The following NBAS variants were observed in gnomAD, a reference collection of about 807,000 sequenced individuals.
The protein encoded by NBAS is NBAS subunit of NRZ tethering complex.
A neutral mutation model predicts 302.5 loss-of-function variants in NBAS; 219 were observed. The observed-to-expected ratio is 0.72, with a 90% confidence interval of 0.65 to 0.81. The LOEUF is 0.81. NBAS is among the 30% of genes least tolerant of loss of function. The pLI, the probability that NBAS is intolerant of heterozygous loss-of-function variation, is 0.00. For missense variants in NBAS, 2,932 were observed against 2,841.6 expected (o/e 1.03, Z -0.72); for synonymous variants, 1,118 against 1,021.6 (o/e 1.09, Z -1.80).
the NBAS span, among the ~76,000 whole-genome samples, chr2:15,025,782 A>G: frequency 6.6e-6 from 1 of 152,138 alleles, no homozygotes; most frequent in East Asian, 1.9e-4. Flanking sequence ...GGCAGTGTAT[A>G]GGATTGCTTT....
intron 25 of NBAS, among the ~76,000 whole-genome samples, chr2:15,414,459 G>A (rs768429499): frequency 9.2e-5 from 14 of 152,174 alleles, no homozygotes; most frequent in Non-Finnish European, 1.9e-4. Context: ...CCAATGGAAA[G>A]GGAGACACTA....
the NBAS span, among the ~76,000 whole-genome samples, chr2:14,947,168 G>A: frequency 7.9e-5 from 12 of 151,748 alleles, no homozygotes; most frequent in Middle Eastern, 3.4e-3. Flanking sequence ...TACAAAGATC[G>A]GAGCAGAAAT....
At chr2:14,896,065 TCCTTTGTCAGGCAA>T in the NBAS span, among the ~76,000 whole-genome samples, 1 of 152,078 alleles carries the variant, frequency 6.6e-6, no homozygotes, top group Non-Finnish European at 1.5e-5. Flanking sequence ...ATCTCTGCTT[TCCTTTGTCAGGCAA>T]CCATGAACAA....
At chr2:15,473,446 C>A (rs941469662) in intron 15 of NBAS, 99 bp from the exon 16 acceptor site, 1 of 1,465,430 alleles carries the variant, frequency 6.8e-7, no homozygotes, top group Non-Finnish European at 9.4e-7. Context: ...TTGGACTTAT[C>A]CAGCATGTCA....
chr2:14,827,980 A>T, the NBAS span, among the ~76,000 whole-genome samples: 1 of 152,216 alleles, frequency 6.6e-6, no homozygotes, highest in African/African-American at 2.4e-5. Context: ...TTTTTTTAAA[A>T]AATAAACTTT....
At chr2:15,283,473 A>C (rs1397374237) in intron 42 of NBAS, among the ~76,000 whole-genome samples, 1 of 152,084 alleles carries the variant, frequency 6.6e-6, no homozygotes, top group East Asian at 1.9e-4. Context: ...TGGTTGTATA[A>C]GGGGCTTTTC....
rs1253033456 is a variant in NBAS, at chr2:15,539,330, T to C, written c.406A>G (p.Arg136Gly). ...CAATCGTAACTCCATGCTACCCGTC[T>C]CCACTGGGGTTTCGGGTCTTTCGGA... ...QVPKDPKPQWRRVAWSYDCTL... is the reference protein window; with the variant it reads ...QVPKDPKPQWGRVAWSYDCTL... The change falls in exon 7 of 52, where the codon AGA (arginine) becomes GGA (glycine). Residue 136 changes from arginine (R) to glycine (G), a missense_variant. Coordinates refer to ENST00000281513, the MANE Select transcript of NBAS (RefSeq NM_015909.4). 7 of 1,614,254 alleles carry C rather than the reference T, an allele frequency of 4.3e-6. No individual in the cohort carries two copies. The highest frequency in any genetic ancestry group is 5.1e-6 in the Non-Finnish European group (6 of 1,180,040).
rs374191011 is a variant in NBAS at position 15,238,524 on chromosome 2, C to A, written c.5887G>T (p.Ala1963Ser). 6.2e-7 allele frequency: 1 copy of A among 1,614,018 alleles called. No individual in the cohort carries two copies. The highest frequency in any genetic ancestry group is 1.3e-5 in the African/African-American group (1 of 74,916). Residue 1963 changes from alanine to serine, a missense_variant, in exon 45 of 52, where the codon GCC (alanine) becomes TCC (serine). Coordinates refer to ENST00000281513, the MANE Select transcript of NBAS (RefSeq NM_015909.4). ...CTGTGGCTCAGGGTTTCCAGGTGGGCAAGTGATTTCTCCAGATGATTCAAA... is the reference window on the plus strand; with the variant it reads ...CTGTGGCTCAGGGTTTCCAGGTGGGAAAGTGATTTCTCCAGATGATTCAAA... ...DTLNHLEKSL[A>S]HLETLSHSFI...
the NBAS span, among the ~76,000 whole-genome samples, chr2:15,159,778 A>G: frequency 7.0e-6 from 1 of 143,520 alleles, no homozygotes; most frequent in Non-Finnish European, 1.5e-5. Context: ...TGCATTTTTT[A>G]CCAGTCATAC....
chr2:14,973,326 G>T, the NBAS span, among the ~76,000 whole-genome samples: 3 of 152,186 alleles, frequency 2.0e-5, no homozygotes. Context: ...TTGTGCAACT[G>T]CTTTTGAATT....
intron 41 of NBAS, among the ~76,000 whole-genome samples, chr2:15,291,173 A>G (rs949102338): frequency 6.6e-6 from 1 of 152,200 alleles, no homozygotes; most frequent in Non-Finnish European, 1.5e-5. Flanking sequence ...AATGGGTTGT[A>G]GGGGAGGCCT....
At chr2:15,295,748 C>T (rs1371733218) in intron 40 of NBAS, among the ~76,000 whole-genome samples, 1 of 152,118 alleles carries the variant, frequency 6.6e-6, no homozygotes, top group Non-Finnish European at 1.5e-5. Flanking sequence ...GTCTCTTGCA[C>T]AAATCAGGTA....
intron 32 of NBAS, among the ~76,000 whole-genome samples, chr2:15,362,259 T>G (rs1673968734): frequency 6.6e-6 from 1 of 150,960 alleles, no homozygotes; most frequent in Non-Finnish European, 1.5e-5. Flanking sequence ...AGGAGGATCG[T>G]TTGTGGGAAG....
intron 48 of NBAS, among the ~76,000 whole-genome samples, chr2:15,201,724 A>G (rs975182295): frequency 6.6e-5 from 10 of 152,202 alleles, no homozygotes; most frequent in Admixed American, 2.6e-4. Flanking sequence ...TTAAACATTA[A>G]AAGTAAGGGT....
intron 40 of NBAS, among the ~76,000 whole-genome samples, chr2:15,294,798 C>T (rs1670470684): frequency 1.3e-5 from 2 of 152,156 alleles, no homozygotes; most frequent in African/African-American, 4.8e-5. Flanking sequence ...GTTCCTAGTG[C>T]CCCAGATTTA....
chr2:15,551,355 G>C, intron 6 of NBAS, 138 bp downstream of exon 6: 2 of 422,312 alleles, frequency 4.7e-6, no homozygotes, highest in Non-Finnish European at 8.1e-6. Flanking sequence ...AAAAAAAAAA[G>C]CAGTTTTTAA....
At chr2:15,534,262 T>C (rs1298828751) in intron 9 of NBAS, among the ~76,000 whole-genome samples, 2 of 152,192 alleles carry the variant, frequency 1.3e-5, no homozygotes, top group Non-Finnish European at 2.9e-5. Context: ...TTATGTATCA[T>C]ACCCATTTTA....
the NBAS span, among the ~76,000 whole-genome samples, chr2:15,075,973 GA>G: frequency 2.6e-5 from 4 of 152,184 alleles, no homozygotes; most frequent in African/African-American, 9.7e-5. Flanking sequence ...AATACAGAGA[GA>G]TATTTAAAGA....
the NBAS span, among the ~76,000 whole-genome samples, chr2:14,966,957 T>A: frequency 8.1e-4 from 123 of 152,314 alleles, no homozygotes; most frequent in African/African-American, 2.9e-3. Flanking sequence ...GGTTTTGGTA[T>A]ACAAGATCAA....
Sources: gnomAD v4.1 joint callset for allele counts (sites outside exome capture counted in the v4.1 genomes callset) on GRCh38, gnomAD v4.1.1 for gene constraint, MANE v1.5 for transcripts, NCBI Gene and HGNC (gene_info 2026-07-23, HGNC 2026-07-21) for gene names.